Variants in ABCA13 observed in about 807,000 individuals in gnomAD.
ABCA13 encodes ATP-binding cassette sub-family A member 13.
A neutral mutation model predicts 478.7 loss-of-function variants in ABCA13; 476 were observed. The ratio of observed to expected loss-of-function variants is 0.99; its 90% confidence interval spans 0.92 to 1.07. The LOEUF is 1.07. Ranked by LOEUF, ABCA13 falls within the 50% of genes least tolerant of loss-of-function variation. The probability of loss-of-function intolerance (pLI) is 0.00; values close to 1 mark genes in which losing one functional copy is unlikely to be tolerated. For synonymous variants in ABCA13, 2,252 were observed against 2,158.9 expected, an observed-to-expected ratio of 1.04 and a Z score of -1.20; for missense variants, 6,060 against 5,910.6, an observed-to-expected ratio of 1.03 and a Z score of -0.83.
intron 31 of ABCA13, among the ~76,000 whole-genome samples, chr7:48,356,987 C>T (rs1224701076): frequency 2.0e-5 from 3 of 151,848 alleles, no homozygotes; most frequent in Non-Finnish European, 4.4e-5. Flanking sequence ...TCCTCTATTG[C>T]TTTTTGGCTG....
intron 31 of ABCA13, among the ~76,000 whole-genome samples, chr7:48,356,714 T>C (rs1261249592): frequency 6.6e-6 from 1 of 151,984 alleles, no homozygotes; most frequent in Non-Finnish European, 1.5e-5. Context: ...TGCTGGAGAC[T>C]GTAGAGATGG....
At chr7:48,504,123 A>G (rs1830996015) in intron 48 of ABCA13, among the ~76,000 whole-genome samples, 1 of 152,218 alleles carries the variant, frequency 6.6e-6, no homozygotes, top group South Asian at 2.1e-4. Flanking sequence ...GGGTGTCAGC[A>G]GGGTTGGACA....
At chr7:48,493,639 C>T (rs1329261310) in intron 48 of ABCA13, among the ~76,000 whole-genome samples, 1 of 152,174 alleles carries the variant, frequency 6.6e-6, no homozygotes, top group East Asian at 1.9e-4. Flanking sequence ...CAAACCTTGG[C>T]ATGCCAGTAA....
At chr7:48,634,427 T>G (rs1794460919) in intron 59 of ABCA13, among the ~76,000 whole-genome samples, 1 of 152,204 alleles carries the variant, frequency 6.6e-6, no homozygotes, top group Non-Finnish European at 1.5e-5. Flanking sequence ...GGATGGCTTG[T>G]TTTTGTAAGG....
chr7:48,350,284 T>C (rs1349546213), intron 29 of ABCA13, among the ~76,000 whole-genome samples: 2 of 151,986 alleles, frequency 1.3e-5, no homozygotes, highest in Admixed American at 6.6e-5. Flanking sequence ...ACTTTTTTTT[T>C]CCCCTGAACT....
intron 56 of ABCA13, among the ~76,000 whole-genome samples, chr7:48,584,859 C>T (rs889389984): frequency 2.6e-5 from 4 of 152,118 alleles, no homozygotes; most frequent in East Asian, 1.9e-4. Context: ...TCGGTTAAAG[C>T]GGTCTCCAAG....
intron 59 of ABCA13, among the ~76,000 whole-genome samples, chr7:48,625,907 G>C: frequency 6.6e-6 from 1 of 152,158 alleles, no homozygotes; most frequent in Non-Finnish European, 1.5e-5. Flanking sequence ...CATGAGTCCT[G>C]TTCATTCATA....
intron 31 of ABCA13, among the ~76,000 whole-genome samples, chr7:48,358,024 C>T (rs1389073023): frequency 6.6e-6 from 1 of 151,200 alleles, no homozygotes; most frequent in Non-Finnish European, 1.5e-5. Flanking sequence ...CGTCTGTAAT[C>T]CCAGCTACTC....
intron 52 of ABCA13, among the ~76,000 whole-genome samples, chr7:48,517,569 A>G (rs2130952905): frequency 6.6e-6 from 1 of 152,202 alleles, no homozygotes; most frequent in Non-Finnish European, 1.5e-5. Context: ...GTCCTGCCAC[A>G]TTCCTTTCAC....
chr7:48,526,100 G>T (rs529912642), intron 54 of ABCA13, among the ~76,000 whole-genome samples: 1 of 152,244 alleles, frequency 6.6e-6, no homozygotes, highest in South Asian at 2.1e-4. Context: ...TTCTTTAGGG[G>T]TAATTTTTGT....
At chr7:48,430,172 C>G (rs995766454) in intron 42 of ABCA13, among the ~76,000 whole-genome samples, 3 of 151,954 alleles carry the variant, frequency 2.0e-5, no homozygotes, top group African/African-American at 7.3e-5. Context: ...CTGGGCTTTT[C>G]TTTGTGGGTA....
intron 27 of ABCA13, among the ~76,000 whole-genome samples, chr7:48,324,602 A>C (rs746729049): frequency 6.6e-6 from 1 of 152,220 alleles, no homozygotes; most frequent in Non-Finnish European, 1.5e-5. Flanking sequence ...AATCACATTG[A>C]AAAATAGTAG....
chr7:48,203,838 G>A (rs1784549650), intron 3 of ABCA13, among the ~76,000 whole-genome samples: 1 of 152,158 alleles, frequency 6.6e-6, no homozygotes, highest in Non-Finnish European at 1.5e-5. Flanking sequence ...TACAGCACCC[G>A]GTGCCTTGCC....
Position 48,643,383 on chromosome 7 carries a change from T to C in ABCA13, c.14933T>C (p.Ile4978Thr). ...SDHLKLYFPGIQFKGQHLNLL... is the reference protein window; with the variant it reads ...SDHLKLYFPGTQFKGQHLNLL... ...CACTTGAAGCTTTATTTTCCAGGAA[T>C]TCAGTTCAAGGTAGTGCTAATATCT... The change falls in exon 60 of 62, where the codon ATT becomes ACT. Residue 4978 changes from isoleucine (I) to threonine (T), a missense_variant. By Grantham distance (89) the Ile-to-Thr change is moderately conservative. Coordinates refer to ENST00000435803, the MANE Select transcript of ABCA13 (RefSeq NM_152701.5). The C allele has an allele frequency of 6.2e-7, 1 of 1,612,890 alleles. No individual in the cohort carries two copies. Among genetic ancestry groups the C allele is most frequent in the Non-Finnish European group, 8.5e-7 (1 of 1,178,992 alleles).
At position 48,511,199 on chromosome 7, in the gene ABCA13, G is replaced by T. The variant is rs1345328150; in HGVS notation, c.13640G>T (p.Gly4547Val). The change falls in exon 51 of 62, where the codon GGA becomes GTA. Residue 4547 changes from glycine (G) to valine (V), a missense_variant and splice_region_variant. Coordinates refer to ENST00000435803, the MANE Select transcript of ABCA13 (RefSeq NM_152701.5). ...ACGGCCCTCCTGCTGTCACTTTTCG[G>T]GTATGTGATGAGAAACGCTGCTGCA... ...AATALLLSLFGYATLPWMYLM... is the reference protein window; with the variant it reads ...AATALLLSLFVYATLPWMYLM... 6.2e-7 allele frequency: 1 copy of T among 1,607,186 alleles called. No homozygotes were observed.
chr7:48,238,020 A>G (rs1310360058), intron 8 of ABCA13, among the ~76,000 whole-genome samples: 2 of 152,256 alleles, frequency 1.3e-5, no homozygotes, highest in Non-Finnish European at 2.9e-5. Flanking sequence ...TCCTGATCCA[A>G]AAGGAACCTA....
At chr7:48,441,956 T>C (rs761746187) in intron 42 of ABCA13, among the ~76,000 whole-genome samples, 3 of 152,220 alleles carry the variant, frequency 2.0e-5, no homozygotes, top group Non-Finnish European at 4.4e-5. Flanking sequence ...AACTGTGTGC[T>C]AAATGTTGGA....
intron 38 of ABCA13, among the ~76,000 whole-genome samples, chr7:48,395,818 T>C (rs911605517): frequency 6.6e-5 from 10 of 152,350 alleles, no homozygotes; most frequent in African/African-American, 2.4e-4. Flanking sequence ...ACTGTTTACA[T>C]TATTGGCAAG....
intron 1 of ABCA13, among the ~76,000 whole-genome samples, chr7:48,190,041 C>A (rs1796886780): frequency 6.6e-6 from 1 of 152,120 alleles, no homozygotes; most frequent in South Asian, 2.1e-4. Flanking sequence ...CTAAAGTTAT[C>A]ATTATGTTTT....
Sources: allele counts gnomAD v4.1 joint callset (sites outside exome capture counted in the v4.1 genomes callset), GRCh38; gene constraint gnomAD v4.1.1; transcripts MANE v1.5; gene names NCBI Gene and HGNC (gene_info 2026-07-23, HGNC 2026-07-21).